Variants in GFRA1 observed in about 807,000 individuals in gnomAD.
GFRA1 encodes GDNF family receptor alpha-1.
A neutral mutation model predicts 51.6 loss-of-function variants in GFRA1; 16 were observed. The observed-to-expected ratio is 0.31, with a 90% CI of 0.21 to 0.47. GFRA1 has a LOEUF of 0.47. GFRA1 is among the 20% of genes least tolerant of loss of function. The pLI is 1.00. For synonymous variants in GFRA1, 270 were observed against 241.3 expected, an observed-to-expected ratio of 1.12 and a Z score of -1.10; for missense variants, 530 against 594.3, an observed-to-expected ratio of 0.89 and a Z score of 1.13.
chr10:116,271,308 C>T (rs1183540063), intron 2 of GFRA1, among the ~76,000 whole-genome samples, 193 bp from the exon 3 acceptor site: 1 of 152,168 alleles, frequency 6.6e-6, no homozygotes, highest in Middle Eastern at 3.2e-3. Flanking sequence ...CTCCTCTCTC[C>T]TCCTCCCGGG....
intron 4 of GFRA1, among the ~76,000 whole-genome samples, chr10:116,233,650 T>C (rs920750254): frequency 3.3e-5 from 5 of 152,186 alleles, no homozygotes; most frequent in African/African-American, 1.2e-4. Flanking sequence ...CAGTCAGCTG[T>C]CCCAGCTCCC....
intron 9 of GFRA1, among the ~76,000 whole-genome samples, chr10:116,079,869 C>G (rs1955776504): frequency 6.6e-6 from 1 of 152,168 alleles, no homozygotes; most frequent in African/African-American, 2.4e-5. Flanking sequence ...AGTGACTTCT[C>G]ATGAAGAAGC....
intron 5 of GFRA1, among the ~76,000 whole-genome samples, chr10:116,169,556 T>C (rs1038176459): frequency 6.6e-6 from 1 of 152,050 alleles, no homozygotes; most frequent in Non-Finnish European, 1.5e-5. Context: ...AGAGAAGAAG[T>C]GTCCAAACAT....
chr10:116,166,625 C>T (rs10787631), intron 5 of GFRA1, among the ~76,000 whole-genome samples: 150,508 of 152,070 alleles, frequency 0.99, 74,497 homozygotes, highest in East Asian at 1. Flanking sequence ...GCCATCCCAC[C>T]GCCAAGTGTC....
intron 5 of GFRA1, among the ~76,000 whole-genome samples, chr10:116,158,391 G>A (rs1229856754): frequency 6.6e-6 from 1 of 152,222 alleles, no homozygotes; most frequent in African/African-American, 2.4e-5. Flanking sequence ...GATACTTGTT[G>A]AGTGAATGAA....
At chr10:116,109,220 AAAG>A (rs1272188488) in intron 6 of GFRA1, among the ~76,000 whole-genome samples, 1 of 152,136 alleles carries the variant, frequency 6.6e-6, no homozygotes. Context: ...CAGGTTTTGG[AAAG>A]AAGCCGCAGC....
Position 116,186,531 on chromosome 10 carries a change from C to T in GFRA1, c.433+25100G>A, listed in dbSNP as rs1416976280. 2.1e-5 allele frequency among the ~76,000 whole-genome samples: 3 copies of T among 145,374 alleles called. No homozygotes were observed. In the Admixed American group the frequency reaches 2.1e-4, roughly 10 times the overall value. On this transcript the variant is annotated intron_variant, in intron 5 of 10. Coordinates refer to ENST00000355422, the MANE Select transcript of GFRA1 (RefSeq NM_005264.8). The stretch of plus-strand genomic sequence containing the variant: ...GGGACATTACACAATTCTGAAAGGC[C>T]GGTCTCTCTTTATCTGCATAAGGCA...
chr10:116,134,022 AC>A (rs1358367932), intron 5 of GFRA1, among the ~76,000 whole-genome samples: 1 of 152,242 alleles, frequency 6.6e-6, no homozygotes, highest in African/African-American at 2.4e-5. Context: ...GGGCCAGCTA[AC>A]CAGTTGAAAC....
chr10:116,148,486 GA>G (rs1958928935), intron 5 of GFRA1, among the ~76,000 whole-genome samples: 1 of 138,730 alleles, frequency 7.2e-6, no homozygotes, highest in South Asian at 2.6e-4. Flanking sequence ...GTGAAGTGGG[GA>G]TATGATAATA....
intron 6 of GFRA1, among the ~76,000 whole-genome samples, chr10:116,104,562 T>C (rs1343201978): frequency 6.6e-6 from 1 of 152,218 alleles, no homozygotes; most frequent in East Asian, 1.9e-4. Context: ...GCGTCCTGCC[T>C]TGGGTATCTC....
rs200081892 is a variant in GFRA1, at chr10:116,064,431, C to A, written c.1365G>T (p.Leu455=). Residue 455 remains leucine, a synonymous_variant, in exon 11 of 11, where the codon CTG becomes CTT. Transcript: ENST00000355422. ...TTTCTGTTAAAGATAATAGGGTGGA[C>A]AGAGCGGTTACCACCAGGACCAGCA... ...SPLLVLVVTA[L]STLLSLTETS 4.3e-6 allele frequency: 7 copies of A among 1,612,822 alleles called. No individual in the cohort carries two copies. Among genetic ancestry groups the A allele is most frequent in the Non-Finnish European group, 5.9e-6 (7 of 1,179,724 alleles).
intron 6 of GFRA1, among the ~76,000 whole-genome samples, chr10:116,124,841 G>A (rs1276793194): frequency 6.6e-6 from 1 of 152,180 alleles, no homozygotes; most frequent in Non-Finnish European, 1.5e-5. Flanking sequence ...CAAAGCTCCA[G>A]CCAGCTCCTC....
chr10:116,240,849 C>CT lies in GFRA1; in HGVS notation c.418+28653dup, dbSNP rs996656434. On this transcript the variant is annotated intron_variant, in intron 4 of 10. Transcript: ENST00000355422. ...GCAGCTAACACACAGGGTGCACACT[C>CT]TTTGTGAGGGATGATACTAAGAATT... is the stretch of plus-strand genomic sequence containing the variant. Among the ~76,000 whole-genome samples the CT allele has an allele frequency of 2.0e-5, 3 of 152,284 alleles. No homozygotes were observed. In the East Asian group the frequency reaches 5.8e-4, roughly 29 times the overall value.
chr10:116,166,695 C>T (rs960457757), intron 5 of GFRA1, among the ~76,000 whole-genome samples: 2 of 150,896 alleles, frequency 1.3e-5, no homozygotes, highest in South Asian at 2.1e-4. Context: ...GTCTCCTTTC[C>T]TTCCCTGCCA....
intron 5 of GFRA1, among the ~76,000 whole-genome samples, chr10:116,133,029 C>G (rs1311246152): frequency 2.0e-5 from 3 of 152,102 alleles, no homozygotes; most frequent in Non-Finnish European, 4.4e-5. Context: ...CCCCCCTCCC[C>G]TCCCCCTCTA....
intron 4 of GFRA1, among the ~76,000 whole-genome samples, chr10:116,222,385 G>A (rs903274825): frequency 6.6e-6 from 1 of 152,070 alleles, no homozygotes; most frequent in Admixed American, 6.5e-5. Flanking sequence ...TTTTAGTAGA[G>A]AGGGGATTTT....
intron 6 of GFRA1, among the ~76,000 whole-genome samples, chr10:116,122,529 C>A (rs575587209): frequency 6.6e-6 from 1 of 152,176 alleles, no homozygotes; most frequent in Non-Finnish European, 1.5e-5. Flanking sequence ...CCAGAGCCCT[C>A]TAAGTTCTCA....
chr10:116,199,082 C>A (rs1964129587), intron 5 of GFRA1, among the ~76,000 whole-genome samples: 1 of 152,190 alleles, frequency 6.6e-6, no homozygotes. Flanking sequence ...GGGACAGATC[C>A]TCTTCTAGAG....
chr10:116,182,202 C>T (rs2134278190), intron 5 of GFRA1, among the ~76,000 whole-genome samples: 1 of 151,792 alleles, frequency 6.6e-6, no homozygotes. Context: ...AAGGACTGTC[C>T]CTTGTACAGT....
Sources: gnomAD v4.1 joint callset for allele counts (sites outside exome capture counted in the v4.1 genomes callset) on GRCh38, gnomAD v4.1.1 for gene constraint, MANE v1.5 for transcripts, NCBI Gene and HGNC (gene_info 2026-07-23, HGNC 2026-07-21) for gene names.